ZNF225: variants seen among roughly 807,000 people sequenced by gnomAD.
ZNF225 encodes zinc finger protein 225.
ZNF225 carries 6 observed loss-of-function variants against 12.0 expected under a neutral mutation model. That is an observed-to-expected ratio of 0.50 (90% confidence interval 0.27 to 0.98). The LOEUF (loss-of-function observed/expected upper bound fraction) is 0.98. Among genes scored for constraint, ZNF225 ranks in the 50% least tolerant of loss-of-function variants. The pLI is 0.11. For missense variants in ZNF225, 763 were observed against 848.2 expected, an observed-to-expected ratio of 0.90 and a Z score of 1.25; for synonymous variants, 271 against 283.2, an observed-to-expected ratio of 0.96 and a Z score of 0.43.
intron 4 of ZNF225, among the ~76,000 whole-genome samples, chr19:44,124,443 C>G (rs568595418): frequency 9.2e-5 from 14 of 152,076 alleles, no homozygotes; most frequent in South Asian, 2.1e-4. Flanking sequence ...CATATGGTCT[C>G]TCTTGGAGAA....
Position 44,113,466 on chromosome 19 carries a change from G to A in ZNF225, c.-172G>A, listed in dbSNP as rs1967872994. On this transcript the variant is annotated 5_prime_UTR_variant, in exon 1 of 5. Transcript: ENST00000262894. ...CTGCAGTTTTGTCCCTGGTAGTTTG[G>A]GTCAGTTCCGCGAGACCCTTCTGAA... 2.0e-5 allele frequency: 3 copies of A among 152,192 alleles called. No individual in the cohort carries two copies. The highest frequency in any genetic ancestry group is 4.4e-5 in the Non-Finnish European group (3 of 68,118). The allele number at this position is 152,192 out of a possible 1,614,324, so 9.4% of individuals were successfully genotyped here.
In ZNF225 at chr19:44,132,017, C is replaced by G. The variant is rs373003408; in HGVS notation, c.1403C>G (p.Ala468Gly). Reference sequence around the variant, plus strand: ...GAATGTGGGAAGAGCTTTGGCTGGGCCTCGTGTCTTTTGAATCATCAGAGA... The same window carrying G: ...GAATGTGGGAAGAGCTTTGGCTGGGGCTCGTGTCTTTTGAATCATCAGAGA... Reference protein sequence around the residue: ...CKECGKSFGWASCLLNHQRIH... With the variant: ...CKECGKSFGWGSCLLNHQRIH... Residue 468 changes from alanine to glycine, a missense_variant, in exon 5 of 5, where the codon GCC (alanine) becomes GGC (glycine). Ala to Gly is a moderately conservative substitution (Grantham distance 60). Transcript: ENST00000262894. 1 of 1,613,362 alleles carries G rather than the reference C, an allele frequency of 6.2e-7. No individual in the cohort carries two copies. The highest frequency in any genetic ancestry group is 8.5e-7 in the Non-Finnish European group (1 of 1,179,908).
At position 44,132,316 on chromosome 19, in the gene ZNF225, T is replaced by G; in HGVS notation, c.1702T>G (p.Tyr568Asp). Residue 568 changes from tyrosine (Y) to aspartate (D), a missense_variant, in exon 5 of 5, where the codon TAT becomes GAT. Coordinates refer to ENST00000262894, the MANE Select transcript of ZNF225 (RefSeq NM_013362.4). ...HQRVHTGERPYNCKECGKSFS... is the reference protein window; with the variant it reads ...HQRVHTGERPDNCKECGKSFS... ...GAGGGTCCACACCGGAGAGAGACCT[T>G]ATAATTGTAAAGAATGTGGGAAGAG... 2 of 1,613,996 alleles carry G rather than the reference T, an allele frequency of 1.2e-6. No homozygotes were observed. Among genetic ancestry groups the G allele is most frequent in the Non-Finnish European group, 1.7e-6 (2 of 1,179,980 alleles).
chr19:44,119,262 C>T (rs74825188), intron 4 of ZNF225, among the ~76,000 whole-genome samples: 2,077 of 152,262 alleles, frequency 0.014, 46 homozygotes, highest in African/African-American at 0.047. Context: ...TCCTCCCTAC[C>T]GTTTCTCTGA....
At position 44,131,070 on chromosome 19, in the gene ZNF225, G is replaced by C; in HGVS notation, c.456G>C (p.Thr152=). ...HVRQKPSEGR[T]CKKSFSDVSV... is the part of the protein sequence containing the mutation. ...GACAGAAACCTTCTGAGGGTAGGACGTGTAAAAAGTCCTTTAGTGATGTCT... is the reference window on the plus strand; with the variant it reads ...GACAGAAACCTTCTGAGGGTAGGACCTGTAAAAAGTCCTTTAGTGATGTCT... Residue 152 remains threonine (T), a synonymous_variant, in exon 5 of 5, where the codon ACG becomes ACC. Transcript: ENST00000262894. 1 of 1,614,040 alleles carries C rather than the reference G, an allele frequency of 6.2e-7. No homozygotes were observed. The highest frequency in any genetic ancestry group is 8.5e-7 in the Non-Finnish European group (1 of 1,179,918).
chr19:44,119,841 C>A (rs1968017136), intron 4 of ZNF225, among the ~76,000 whole-genome samples: 3 of 152,188 alleles, frequency 2.0e-5, no homozygotes, highest in Admixed American at 2.0e-4. Flanking sequence ...TACTCTTTCA[C>A]CTCAAAACTT....
At chr19:44,113,155 A>T (rs552993325), upstream of ZNF225, 1 of 152,590 alleles carries the variant, frequency 6.6e-6, no homozygotes, top group African/African-American at 2.4e-5. Flanking sequence ...CACTGGCTCC[A>T]GAAGGAGGAT....
chr19:44,115,860 C>G lies in ZNF225; in HGVS notation c.15+18C>G. The G allele has an allele frequency of 6.2e-7, 1 of 1,611,402 alleles. No homozygotes were observed. Among genetic ancestry groups the G allele is most frequent in the Non-Finnish European group, 8.5e-7 (1 of 1,178,626 alleles). The stretch of plus-strand genomic sequence containing the variant: ...CGTTGAAGGTGAGTAGAGCTTGCCT[C>G]TCTTGCTGTTAAAATTTCTTTTATG... On this transcript the variant is annotated intron_variant, in intron 2 of 4. Transcript: ENST00000262894.
chr19:44,115,931 G>A, intron 2 of ZNF225, 89 bp downstream of exon 2: 1 of 1,390,808 alleles, frequency 7.2e-7, no homozygotes, highest in Non-Finnish European at 9.9e-7. Flanking sequence ...GCCTGATTTT[G>A]GCTCATTGCA....
intron 1 of ZNF225, 177 bp from the exon 2 acceptor site, chr19:44,115,583 A>G (rs560279779): frequency 2.5e-6 from 1 of 402,528 alleles, no homozygotes; most frequent in Admixed American, 4.2e-5. Flanking sequence ...GATAGGCCAC[A>G]ATTTGTCTAT....
intron 4 of ZNF225, chr19:44,129,185 G>A: frequency 9.7e-7 from 1 of 1,035,928 alleles, no homozygotes; most frequent in East Asian, 3.3e-5. Flanking sequence ...CTCTGAAAAT[G>A]TAGACATAAA....
chr19:44,114,056 A>T, intron 1 of ZNF225: 2 of 395,366 alleles, frequency 5.1e-6, no homozygotes, highest in Admixed American at 7.9e-5. Flanking sequence ...TAGGAAGGCG[A>T]GGGTTGCATC....
intron 4 of ZNF225, among the ~76,000 whole-genome samples, chr19:44,121,129 C>T (rs780032542): frequency 2.0e-5 from 3 of 152,148 alleles, no homozygotes; most frequent in Non-Finnish European, 2.9e-5. Context: ...GATCTCCTGA[C>T]CTCGTGATCC....
At position 44,132,646 on chromosome 19, in the gene ZNF225, A is replaced by G. The variant is rs1275182976; in HGVS notation, c.2032A>G (p.Lys678Glu). 3.1e-6 allele frequency: 5 copies of G among 1,613,848 alleles called. No homozygotes were observed. The highest frequency in any genetic ancestry group is 4.2e-6 in the Non-Finnish European group (5 of 1,179,958). ...CCAACAAAGAGACCAAAGTGGAGAG[A>G]AAACATCTAAATGTGAGGACTGTGG... ...KDQQRDQSGEKTSKCEDCGKR... is the reference protein window; with the variant it reads ...KDQQRDQSGEETSKCEDCGKR... The change falls in exon 5 of 5, where the codon AAA becomes GAA. Residue 678 changes from lysine to glutamate, a missense_variant. Lys to Glu is a moderately conservative substitution (Grantham distance 56). Transcript: ENST00000262894.
At position 44,131,463 on chromosome 19, in the gene ZNF225, T is replaced by G. The variant is rs1168106707; in HGVS notation, c.849T>G (p.Thr283=). 5 of 1,614,146 alleles carry G rather than the reference T, an allele frequency of 3.1e-6. No homozygotes were observed. The highest frequency in any genetic ancestry group is 4.2e-6 in the Non-Finnish European group (5 of 1,180,024). The change falls in exon 5 of 5, where the codon ACT becomes ACG. Residue 283 remains threonine, a synonymous_variant. Coordinates refer to ENST00000262894, the MANE Select transcript of ZNF225 (RefSeq NM_013362.4). ...TTCAGGAACATCAAAGAATCCATAC[T>G]GGGGAGAAGCCATTCAAATGTGATA... ...SQLQEHQRIH[T]GEKPFKCDIC... is the part of the protein sequence containing the mutation.
In ZNF225 at chr19:44,132,082, G is replaced by A; in HGVS notation, c.1468G>A (p.Gly490Arg). 1 of 1,613,964 alleles carries A rather than the reference G, an allele frequency of 6.2e-7. No homozygotes were observed. Among genetic ancestry groups the A allele is most frequent in the Non-Finnish European group, 8.5e-7 (1 of 1,179,980 alleles). ...GEKPFKCEEC[G>R]KRFTQNSQLY... ...AAAACCATTTAAATGTGAAGAATGT[G>A]GGAAAAGATTTACTCAGAATTCACA... is the stretch of plus-strand genomic sequence containing the variant. Residue 490 changes from glycine to arginine, a missense_variant, in exon 5 of 5, where the codon GGG becomes AGG. Physicochemically the swap from Gly to Arg is moderately radical, Grantham distance 125 (BLOSUM62 -2). Coordinates refer to ENST00000262894, the MANE Select transcript of ZNF225 (RefSeq NM_013362.4).
At chr19:44,112,238 G>A (rs904672570), upstream of ZNF225, 1 of 152,080 alleles carries the variant, frequency 6.6e-6, no homozygotes, top group Non-Finnish European at 1.5e-5. Flanking sequence ...CTGTGCACGT[G>A]GCTGACAAAG....
At chr19:44,126,939 C>T (rs1311314890) in intron 4 of ZNF225, among the ~76,000 whole-genome samples, 3 of 152,374 alleles carry the variant, frequency 2.0e-5, no homozygotes, top group African/African-American at 7.2e-5. Context: ...GCAAGCTGGG[C>T]TTGAGACCTT....
chr19:44,117,563 A>G (rs977284632), intron 2 of ZNF225, among the ~76,000 whole-genome samples: 5 of 152,218 alleles, frequency 3.3e-5, no homozygotes, highest in African/African-American at 1.2e-4. Context: ...AAACCTATAT[A>G]CGTGCAGCCC....
Sources: allele counts gnomAD v4.1 joint callset (sites outside exome capture counted in the v4.1 genomes callset), GRCh38; gene constraint gnomAD v4.1.1; transcripts MANE v1.5; gene names NCBI Gene and HGNC (gene_info 2026-07-23, HGNC 2026-07-21).